MED8: variants seen among roughly 807,000 people sequenced by gnomAD.
MED8 encodes the protein mediator of RNA polymerase II transcription subunit 8.
In MED8, 22 loss-of-function variants were observed where a neutral mutation model predicts 34.8. The ratio of observed to expected loss-of-function variants is 0.63; its 90% CI spans 0.45 to 0.90. MED8 has a LOEUF of 0.90. MED8 is among the 40% of genes least tolerant of loss of function. The pLI is 0.00. For synonymous variants in MED8, 105 were observed against 120.2 expected (o/e 0.87, Z 0.83); for missense variants, 260 against 326.3 (o/e 0.80, Z 1.57).
At position 43,387,001 on chromosome 1, in the gene MED8, G is replaced by GTT; in HGVS notation, c.271-4_271-3insAA. The stretch of plus-strand genomic sequence containing the variant: ...GGCACCCGTCCTTCAGTCTGCCGCT[G>GTT]TAACACACAGATTTTATTGATCCTA... On this transcript the variant is annotated splice_region_variant and splice_polypyrimidine_tract_variant and intron_variant, in intron 3 of 6. Coordinates refer to ENST00000372457, the MANE Select transcript of MED8 (RefSeq NM_201542.5). 6.2e-7 allele frequency: 1 copy of GTT among 1,613,840 alleles called. No individual in the cohort carries two copies. Among genetic ancestry groups the GTT allele is most frequent in the Middle Eastern group, 1.6e-4 (1 of 6,062 alleles).
At chr1:43,385,784 TC>T (rs1039131367) in intron 6 of MED8, 193 bp downstream of exon 6, 1 of 775,608 alleles carries the variant, frequency 1.3e-6, no homozygotes, top group Non-Finnish European at 2.1e-6. Context: ...TCAAAGTTCT[TC>T]CTCACTCTCT....
Position 43,386,180 on chromosome 1 carries a change from G to C in MED8, c.540C>G (p.Ala180=). The C allele has an allele frequency of 6.2e-7, 1 of 1,614,004 alleles. No individual in the cohort carries two copies. The change falls in exon 6 of 7, where the codon GCC becomes GCG. Residue 180 remains alanine, a synonymous_variant. Transcript: ENST00000372457. This position sits in a 1 kb window ranked among gnomAD's most constrained non-coding sequence, Gnocchi z 4.9. ...KQTFNPTDTN[A]LVAAVAFGKG... ...TCCCAAAGGCAACAGCTGCCACCAA[G>C]GCATTAGTGTCTGTAGGGTTAAAGG... is the stretch of plus-strand genomic sequence containing the variant.
At position 43,384,511 on chromosome 1, in the gene MED8, C is replaced by T. The variant is rs61769041; in HGVS notation, c.*531G>A. On this transcript the variant is annotated 3_prime_UTR_variant, in exon 7 of 7. Coordinates refer to ENST00000372457, the MANE Select transcript of MED8 (RefSeq NM_201542.5). ...CTGGCCCAGAAGCTTCTTCACCTTG[C>T]GCCTTAGAGGGATAGCCAGAATGAA... 1.5e-4 allele frequency: 249 copies of T among 1,611,570 alleles called. No individual in the cohort carries two copies. In the South Asian group the frequency reaches 2.0e-3, roughly 13 times the overall value.
chr1:43,385,254 A>G, intron 6 of MED8, 148 bp from the exon 7 acceptor site: 1 of 1,020,910 alleles, frequency 9.8e-7, no homozygotes, highest in Non-Finnish European at 1.4e-6. Flanking sequence ...GGTCAGAAGT[A>G]TGATTCTTCA....
At position 43,386,035 on chromosome 1, in the gene MED8, G is replaced by A. The variant is rs752683350; in HGVS notation, c.685C>T (p.Pro229Ser). ...GLQQVQMAGAPSQQQPMLSGV... is the reference protein window; with the variant it reads ...GLQQVQMAGASSQQQPMLSGV... ...CTGAGCATTGGCTGCTGCTGGCTTGGAGCTCCTGCCATCTGCACCTGCTGT... is the reference window on the plus strand; with the variant it reads ...CTGAGCATTGGCTGCTGCTGGCTTGAAGCTCCTGCCATCTGCACCTGCTGT... The change falls in exon 6 of 7, where the codon CCA becomes TCA. Residue 229 changes from proline (P) to serine (S), a missense_variant. Transcript: ENST00000372457. This position sits in a 1 kb window ranked among gnomAD's most constrained non-coding sequence, Gnocchi z 4.9. 9 of 1,613,838 alleles carry A rather than the reference G, an allele frequency of 5.6e-6. No homozygotes were observed. The highest frequency in any genetic ancestry group is 5.1e-6 in the Non-Finnish European group (6 of 1,179,900).
chr1:43,388,204 T>C (rs1647818214), intron 2 of MED8, 106 bp downstream of exon 2: 1 of 1,103,604 alleles, frequency 9.1e-7, no homozygotes, highest in African/African-American at 1.6e-5. Flanking sequence ...AATCAAAAGA[T>C]GTTTGCAAAC....
At position 43,384,556 on chromosome 1, in the gene MED8, C is replaced by G; in HGVS notation, c.*486G>C. The G allele has an allele frequency of 6.2e-7, 1 of 1,604,038 alleles. No homozygotes were observed. Among genetic ancestry groups the G allele is most frequent in the Non-Finnish European group, 8.5e-7 (1 of 1,175,656 alleles). ...AATGAAACCCAGGCAGGAGGGCCTGCAAAAACAGTGTGCCTCTAAGAACAC... is the reference window on the plus strand; with the variant it reads ...AATGAAACCCAGGCAGGAGGGCCTGGAAAAACAGTGTGCCTCTAAGAACAC... On this transcript the variant is annotated 3_prime_UTR_variant, in exon 7 of 7. Coordinates refer to ENST00000372457, the MANE Select transcript of MED8 (RefSeq NM_201542.5).
In MED8 at chr1:43,384,153, G is replaced by A. The variant is rs1306740137; in HGVS notation, c.*889C>T. On this transcript the variant is annotated 3_prime_UTR_variant, in exon 7 of 7. Transcript: ENST00000372457. ...ATGAAGGAAAGTCGTTTTCTTTGAA[G>A]GAAATCCTGGCCAAAGTCGAGAAAG... is the stretch of plus-strand genomic sequence containing the variant. 1.2e-5 allele frequency: 3 copies of A among 255,974 alleles called. No homozygotes were observed. Among genetic ancestry groups the A allele is most frequent in the Non-Finnish European group, 2.2e-5 (3 of 136,108 alleles). The allele number at this position is 255,974 out of a possible 1,614,324, so 15.9% of individuals were successfully genotyped here. A position where few individuals can be genotyped will look rare whatever the true frequency, so the allele number is the denominator to read the frequency against.
At position 43,386,086 on chromosome 1, in the gene MED8, T is replaced by C. The variant is rs1570503467; in HGVS notation, c.634A>G (p.Thr212Ala). 6.2e-7 allele frequency: 1 copy of C among 1,613,994 alleles called. No individual in the cohort carries two copies. Among genetic ancestry groups the C allele is most frequent in the South Asian group, 1.1e-5 (1 of 91,086 alleles). Reference protein sequence around the residue: ...PGQAGQPGAGTILAGTSGLQQ... With the variant: ...PGQAGQPGAGAILAGTSGLQQ... ...AATCCTGAGGTTCCTGCAAGGATCGTCCCAGCTCCTGGCTGGCCTGCCTGG... is the reference window on the plus strand; with the variant it reads ...AATCCTGAGGTTCCTGCAAGGATCGCCCCAGCTCCTGGCTGGCCTGCCTGG... Residue 212 changes from threonine (T) to alanine (A), a missense_variant, in exon 6 of 7, where the codon ACG (threonine) becomes GCG (alanine). Transcript: ENST00000372457. This position sits in a 1 kb window ranked among gnomAD's most constrained non-coding sequence, Gnocchi z 4.9.
chr1:43,384,426 T>G lies in MED8; in HGVS notation c.*616A>C. 1 of 1,572,808 alleles carries G rather than the reference T, an allele frequency of 6.4e-7. No individual in the cohort carries two copies. The highest frequency in any genetic ancestry group is 8.6e-7 in the Non-Finnish European group (1 of 1,159,808). On this transcript the variant is annotated 3_prime_UTR_variant, in exon 7 of 7. Transcript: ENST00000372457. ...AAAGCCAAGTTGGCTCCTTAGAGGA[T>G]GGAAAGGAGAGCAGGCCCAAGCTTC...
chr1:43,385,472 T>C, intron 6 of MED8: 1 of 237,282 alleles, frequency 4.2e-6, no homozygotes. Context: ...CCTAGACAGC[T>C]TGGAGGAAAT....
Position 43,384,378 on chromosome 1 carries a change from A to ACTTTATGACTATTT in MED8, c.*650_*663dup. Reference sequence around the variant, plus strand: ...TATAAGGTGGGGTAAAGGATAGGGGACTTTATGACTATTTGACAGGTAAAA... The same window carrying ACTTTATGACTATTT: ...TATAAGGTGGGGTAAAGGATAGGGGACTTTATGACTATTTCTTTATGACTATTTGACAGGTAAAA... On this transcript the variant is annotated 3_prime_UTR_variant, in exon 7 of 7. Coordinates refer to ENST00000372457, the MANE Select transcript of MED8 (RefSeq NM_201542.5). 1 of 1,513,462 alleles carries ACTTTATGACTATTT rather than the reference A, an allele frequency of 6.6e-7. No individual in the cohort carries two copies. The highest frequency in any genetic ancestry group is 1.3e-5 in the South Asian group (1 of 77,762). The allele number at this position is 1,513,462 out of a possible 1,614,324, so 93.8% of individuals were successfully genotyped here.
In MED8 at chr1:43,384,380, T is replaced by C; in HGVS notation, c.*662A>G. 6.6e-7 allele frequency: 1 copy of C among 1,520,698 alleles called. No individual in the cohort carries two copies. Among genetic ancestry groups the C allele is most frequent in the South Asian group, 1.3e-5 (1 of 78,692 alleles). The allele number at this position is 1,520,698 out of a possible 1,614,324, so 94.2% of individuals were successfully genotyped here. ...TAAGGTGGGGTAAAGGATAGGGGAC[T>C]TTATGACTATTTGACAGGTAAAAGC... On this transcript the variant is annotated 3_prime_UTR_variant, in exon 7 of 7. Coordinates refer to ENST00000372457, the MANE Select transcript of MED8 (RefSeq NM_201542.5).
chr1:43,387,909 A>C (rs1178052682), intron 2 of MED8, among the ~76,000 whole-genome samples: 1 of 152,246 alleles, frequency 6.6e-6, no homozygotes, highest in East Asian at 1.9e-4. Flanking sequence ...AATAGGAACC[A>C]GGGCTACACT....
Position 43,384,765 on chromosome 1 carries a change from T to C in MED8, c.*277A>G. Reference sequence around the variant, plus strand: ...TTTATTGAATACCCATTATTTCATATACTGTACTAAGTGCTTTACATTCAT... The same window carrying C: ...TTTATTGAATACCCATTATTTCATACACTGTACTAAGTGCTTTACATTCAT... On this transcript the variant is annotated 3_prime_UTR_variant, in exon 7 of 7. Coordinates refer to ENST00000372457, the MANE Select transcript of MED8 (RefSeq NM_201542.5). 2 of 1,424,516 alleles carry C rather than the reference T, an allele frequency of 1.4e-6. No individual in the cohort carries two copies. The highest frequency in any genetic ancestry group is 1.8e-6 in the Non-Finnish European group (2 of 1,092,504). 88.2% of individuals were successfully genotyped at this position (1,424,516 alleles called of 1,614,324 possible).
At chr1:43,385,174 A>G in intron 6 of MED8, 68 bp from the exon 7 acceptor site, 1 of 1,536,280 alleles carries the variant, frequency 6.5e-7, no homozygotes, top group South Asian at 1.2e-5. Flanking sequence ...GAAATGTGGT[A>G]CCTCAGGTTC....
chr1:43,387,556 T>C lies in MED8; in HGVS notation c.217A>G (p.Asn73Asp). 6.2e-7 allele frequency: 1 copy of C among 1,614,070 alleles called. No homozygotes were observed. Among genetic ancestry groups the C allele is most frequent in the Non-Finnish European group, 8.5e-7 (1 of 1,179,898 alleles). Residue 73 changes from asparagine (N) to aspartate (D), a missense_variant, in exon 3 of 7, where the codon AAC (asparagine) becomes GAC (aspartate). Physicochemically the swap from Asn to Asp is conservative, Grantham distance 23. Coordinates refer to ENST00000372457, the MANE Select transcript of MED8 (RefSeq NM_201542.5). ...LKHEKTPLFR[N>D]QVIIPLVLSP... is the part of the protein sequence containing the mutation. Reference sequence around the variant, plus strand: ...AACACCAGAGGAATGATGACCTGGTTACGGAACAGCGGTGTTTTTTCATGC... The same window carrying C: ...AACACCAGAGGAATGATGACCTGGTCACGGAACAGCGGTGTTTTTTCATGC...
In MED8 at chr1:43,384,474, T is replaced by A. The variant is rs1294998282; in HGVS notation, c.*568A>T. 14 of 1,608,208 alleles carry A rather than the reference T, an allele frequency of 8.7e-6. No homozygotes were observed. In the East Asian group the frequency reaches 2.2e-4, roughly 26 times the overall value. On this transcript the variant is annotated 3_prime_UTR_variant, in exon 7 of 7. Transcript: ENST00000372457. Reference sequence around the variant, plus strand: ...TTCACCAGAGCTGCAGGTGGGCATTTTTTTTTCCTTCCTGGCCCAGAAGCT... The same window carrying A: ...TTCACCAGAGCTGCAGGTGGGCATTATTTTTTCCTTCCTGGCCCAGAAGCT...
At position 43,386,611 on chromosome 1, in the gene MED8, C is replaced by A. The variant is rs1250058843; in HGVS notation, c.471G>T (p.Glu157Asp). ...TACCTCCACTCTCTGATTCTCGCTC[C>A]TCTTTGCTGATTTTCTCCAGAAGGT... is the stretch of plus-strand genomic sequence containing the variant. ...CSNLLEKISK[E>D]ERESESGGLR... The change falls in exon 5 of 7, where the codon GAG becomes GAT. Residue 157 changes from glutamate to aspartate, a missense_variant. By Grantham distance (45) the Glu-to-Asp change is conservative. Transcript: ENST00000372457. The surrounding 1 kb of genome is among the most constrained non-coding windows in gnomAD (Gnocchi z 4.9). 6.2e-7 allele frequency: 1 copy of A among 1,612,174 alleles called. No homozygotes were observed. The highest frequency in any genetic ancestry group is 8.5e-7 in the Non-Finnish European group (1 of 1,179,142).
Sources: allele counts gnomAD v4.1 joint callset (sites outside exome capture counted in the v4.1 genomes callset), GRCh38; gene constraint gnomAD v4.1.1; non-coding constraint Gnocchi (gnomAD v3.1); transcripts MANE v1.5; gene names NCBI Gene and HGNC (gene_info 2026-07-23, HGNC 2026-07-21).